The following ARL6 variants were observed in gnomAD, a reference collection of about 807,000 sequenced individuals.
The protein encoded by ARL6 is ADP-ribosylation factor-like protein 6.
ARL6 carries 18 observed loss-of-function variants against 27.1 expected under a neutral mutation model. That is an observed-to-expected ratio of 0.66 (90% CI 0.46 to 0.98). ARL6 has a LOEUF of 0.98. Ranked by LOEUF, ARL6 falls within the 50% of genes least tolerant of loss-of-function variation. The pLI is 0.00. For synonymous variants in ARL6, 65 were observed against 72.3 expected (o/e 0.90, Z 0.51); for missense variants, 187 against 214.9 (o/e 0.87, Z 0.81).
chr3:97,791,656 TCAGA>T, intron 6 of ARL6, 111 bp from the exon 7 acceptor site: 1 of 852,102 alleles, frequency 1.2e-6, no homozygotes, highest in Non-Finnish European at 1.9e-6. Flanking sequence ...CCAGTTTTGC[TCAGA>T]TATATGTTGT....
chr3:97,773,302 G>T (rs369447627), intron 2 of ARL6, among the ~76,000 whole-genome samples: 1 of 152,170 alleles, frequency 6.6e-6, no homozygotes, highest in African/African-American at 2.4e-5. Flanking sequence ...TATTCTGGGC[G>T]CACTGGCAGC....
At chr3:97,796,919 T>G (rs1297655352) in intron 7 of ARL6, among the ~76,000 whole-genome samples, 4 of 152,112 alleles carry the variant, frequency 2.6e-5, no homozygotes, top group Non-Finnish European at 4.4e-5. Context: ...TCTCAAGAAT[T>G]TACTTTCTGT....
At chr3:97,772,910 A>G (rs1159097480) in intron 2 of ARL6, among the ~76,000 whole-genome samples, 2 of 151,974 alleles carry the variant, frequency 1.3e-5, no homozygotes, top group African/African-American at 4.8e-5. Flanking sequence ...GTGAGCCACC[A>G]CGCCTGGCTG....
intron 2 of ARL6, among the ~76,000 whole-genome samples, chr3:97,770,609 G>A (rs545409011): frequency 6.6e-6 from 1 of 152,026 alleles, no homozygotes; most frequent in South Asian, 2.1e-4. Context: ...GCCCAAATCA[G>A]TGTCCTGAAG....
At chr3:97,781,493 G>A (rs1465497899) in intron 4 of ARL6, among the ~76,000 whole-genome samples, 3 of 152,010 alleles carry the variant, frequency 2.0e-5, no homozygotes, top group Non-Finnish European at 4.4e-5. Flanking sequence ...ATTGTATTAC[G>A]TATTATAAGT....
chr3:97,777,644 GT>G (rs1341375821), intron 2 of ARL6, among the ~76,000 whole-genome samples: 1 of 152,028 alleles, frequency 6.6e-6, no homozygotes, highest in Non-Finnish European at 1.5e-5. Flanking sequence ...TATACTCTTT[GT>G]TTACTTTGTG....
At chr3:97,776,927 G>A (rs538515883) in intron 2 of ARL6, among the ~76,000 whole-genome samples, 2 of 152,306 alleles carry the variant, frequency 1.3e-5, no homozygotes, top group South Asian at 4.1e-4. Flanking sequence ...CCAAAGTGCT[G>A]GGATTACAGG....
At chr3:97,791,989 AT>A in intron 7 of ARL6, 163 bp downstream of exon 7, 1 of 621,574 alleles carries the variant, frequency 1.6e-6, no homozygotes, top group Non-Finnish European at 2.8e-6. Context: ...ACCTTGTTCC[AT>A]TTACTTCTAT....
chr3:97,797,167 A>C (rs1369206568), intron 7 of ARL6, among the ~76,000 whole-genome samples: 2 of 152,168 alleles, frequency 1.3e-5, no homozygotes, highest in African/African-American at 4.8e-5. Flanking sequence ...GAAAATGAGT[A>C]TAGATTCTAG....
chr3:97,786,098 A>G (rs2037444211), intron 5 of ARL6, among the ~76,000 whole-genome samples: 1 of 152,058 alleles, frequency 6.6e-6, no homozygotes, highest in Non-Finnish European at 1.5e-5. Context: ...CTGTAATCCC[A>G]GCACTTTGGG....
At chr3:97,781,071 C>T (rs1465592420) in intron 4 of ARL6, among the ~76,000 whole-genome samples, 1 of 152,090 alleles carries the variant, frequency 6.6e-6, no homozygotes, top group East Asian at 1.9e-4. Context: ...ATCATACTTA[C>T]CATGTCTTGA....
intron 6 of ARL6, among the ~76,000 whole-genome samples, chr3:97,790,683 A>G (rs902226231): frequency 8.6e-5 from 13 of 152,030 alleles, no homozygotes; most frequent in African/African-American, 3.1e-4. Context: ...GATAATAAGT[A>G]ATTTGCTTTG....
intron 5 of ARL6, 75 bp from the exon 6 acceptor site, chr3:97,787,915 T>C (rs2037535859): frequency 2.0e-6 from 3 of 1,528,846 alleles, no homozygotes; most frequent in Non-Finnish European, 2.7e-6. Context: ...ATTTCATGGG[T>C]TTCAGTACTA....
At chr3:97,789,984 A>C (rs766873938) in intron 6 of ARL6, among the ~76,000 whole-genome samples, 3 of 145,406 alleles carry the variant, frequency 2.1e-5, no homozygotes, top group Non-Finnish European at 3.0e-5. Flanking sequence ...GTCAGCTCTG[A>C]TTTTCAGGGT....
At chr3:97,792,269 G>A (rs541938232) in intron 7 of ARL6, among the ~76,000 whole-genome samples, 6 of 152,206 alleles carry the variant, frequency 3.9e-5, no homozygotes, top group East Asian at 3.9e-4. Flanking sequence ...CGAGGCAGGC[G>A]GATCATGAGG....
intron 1 of ARL6, chr3:97,766,008 C>G (rs986923110): frequency 6.6e-6 from 1 of 152,164 alleles, no homozygotes; most frequent in Admixed American, 6.5e-5. Flanking sequence ...GCCTGCTCTT[C>G]TAAATTGTGT....
At chr3:97,773,575 G>T (rs186842375) in intron 2 of ARL6, among the ~76,000 whole-genome samples, 1 of 152,018 alleles carries the variant, frequency 6.6e-6, no homozygotes, top group African/African-American at 2.4e-5. Context: ...ACTATCCTTC[G>T]TACAACCGGA....
rs754169109 is a variant in ARL6, at chr3:97,798,076, A to G, written c.*27A>G. On this transcript the variant is annotated 3_prime_UTR_variant, in exon 8 of 8. Coordinates refer to ENST00000463745, the MANE Select transcript of ARL6 (RefSeq NM_001278293.3). The stretch of plus-strand genomic sequence containing the variant: ...AAGATAATAGTTGGAAACCTCAGCA[A>G]TTTTCAATTCAAGGAATCTATCTAA... 2 of 1,606,824 alleles carry G rather than the reference A, an allele frequency of 1.2e-6. No homozygotes were observed. The highest frequency in any genetic ancestry group is 2.2e-5 in the South Asian group (2 of 90,900).
intron 2 of ARL6, among the ~76,000 whole-genome samples, chr3:97,774,128 C>G (rs952368241): frequency 6.6e-6 from 1 of 152,160 alleles, no homozygotes; most frequent in African/African-American, 2.4e-5. Context: ...GGATAGTCAC[C>G]CCAGCCAACA....
Sources: allele counts gnomAD v4.1 joint callset (sites outside exome capture counted in the v4.1 genomes callset), GRCh38; gene constraint gnomAD v4.1.1; transcripts MANE v1.5; gene names NCBI Gene and HGNC (gene_info 2026-07-23, HGNC 2026-07-21).